Variants in DCHS1 observed in about 807,000 individuals in gnomAD.
DCHS1 encodes the protein protocadherin-16.
In DCHS1, 78 loss-of-function variants were observed where a neutral mutation model predicts 213.9. The ratio of observed to expected loss-of-function variants is 0.36; its 90% confidence interval spans 0.30 to 0.44. The LOEUF is 0.44. Among genes scored for constraint, DCHS1 ranks in the 20% least tolerant of loss-of-function variants. The pLI is 1.00. For missense variants in DCHS1, 3,946 were observed against 4,395.9 expected (o/e 0.90, Z 2.89); for synonymous variants, 1,828 against 1,873.7 (o/e 0.98, Z 0.63).
intron 2 of DCHS1, 150 bp from the exon 3 acceptor site, chr11:6,634,456 G>T: frequency 1.2e-6 from 1 of 808,636 alleles, no homozygotes; most frequent in Non-Finnish European, 1.8e-6. Flanking sequence ...CCCAACCTCA[G>T]CCTGTACCTC....
In DCHS1 at chr11:6,621,425, G is replaced by A. The variant is rs181411626; in HGVS notation, c.*354C>T. 18 of 395,058 alleles carry A rather than the reference G, an allele frequency of 4.6e-5. No homozygotes were observed. The highest frequency in any genetic ancestry group is 1.1e-4 in the Admixed American group (3 of 27,238). The allele number at this position is 395,058 out of a possible 1,614,324, so 24.5% of individuals were successfully genotyped here. On this transcript the variant is annotated 3_prime_UTR_variant, in exon 21 of 21. Coordinates refer to ENST00000299441, the MANE Select transcript of DCHS1 (RefSeq NM_003737.4). ...GGTGTCAGTGGAACCCAAAGGAGCT[G>A]GGTCCAAACATGTTGGAGGGACCTC...
Position 6,623,498 on chromosome 11 carries a change from G to A in DCHS1, c.8178C>T (p.Thr2726=), listed in dbSNP as rs377610020. The A allele has an allele frequency of 3.8e-6, 6 of 1,595,806 alleles. No individual in the cohort carries two copies. Among genetic ancestry groups the A allele is most frequent in the Non-Finnish European group, 5.1e-6 (6 of 1,171,290 alleles). The change falls in exon 21 of 21, where the codon ACC becomes ACT. Residue 2726 remains threonine (T), a synonymous_variant. Transcript: ENST00000299441. ...AENQPPGTLV[T]TLHAIDGDAG... The stretch of plus-strand genomic sequence containing the variant: ...CATCCCCGTCGATTGCATGCAGAGT[G>A]GTCACGAGAGTGCCTGGAGGCTGAT...
chr11:6,627,297 A>G lies in DCHS1; in HGVS notation c.5742T>C (p.Ala1914=). 3.1e-6 allele frequency: 5 copies of G among 1,612,470 alleles called. No homozygotes were observed. Among genetic ancestry groups the G allele is most frequent in the Non-Finnish European group, 4.2e-6 (5 of 1,179,402 alleles). ...LEPSSGELRT[A]AALDREQCPS... is the part of the protein sequence containing the mutation. ...GACACTGTTCTCTGTCCAAGGCTGC[A>G]GCTGTGCGCAGTTCTCCAGAGCTGG... Residue 1914 remains alanine, a synonymous_variant, in exon 14 of 21, where the codon GCT becomes GCC. Coordinates refer to ENST00000299441, the MANE Select transcript of DCHS1 (RefSeq NM_003737.4). The surrounding 1 kb of genome is among the most constrained non-coding windows in gnomAD (Gnocchi z 5.4).
In DCHS1 at chr11:6,627,538, G is replaced by T. The variant is rs1199451132; in HGVS notation, c.5501C>A (p.Ala1834Asp). ...TGTCAAAAGCAGCGTGGCACTGAGA[G>T]CTGGCTGGCCTCCATCCCGGGCCTC... ...RIEARDGGQPALSATLLLTVT... is the reference protein window; with the variant it reads ...RIEARDGGQPDLSATLLLTVT... Residue 1834 changes from alanine (A) to aspartate (D), a missense_variant, in exon 14 of 21, where the codon GCT (alanine) becomes GAT (aspartate). Coordinates refer to ENST00000299441, the MANE Select transcript of DCHS1 (RefSeq NM_003737.4). The surrounding 1 kb of genome is among the most constrained non-coding windows in gnomAD (Gnocchi z 5.4). 2 of 1,612,660 alleles carry T rather than the reference G, an allele frequency of 1.2e-6. No homozygotes were observed. Among genetic ancestry groups the T allele is most frequent in the East Asian group, 2.2e-5 (1 of 44,860 alleles).
At chr11:6,655,136 G>A (rs1020751514) in intron 1 of DCHS1, among the ~76,000 whole-genome samples, 4 of 152,056 alleles carry the variant, frequency 2.6e-5, no homozygotes, top group African/African-American at 7.2e-5. Flanking sequence ...CCCACAGAGC[G>A]GGCAACACAC....
At chr11:6,647,151 G>T (rs539447704) in intron 1 of DCHS1, among the ~76,000 whole-genome samples, 3 of 152,326 alleles carry the variant, frequency 2.0e-5, no homozygotes, top group African/African-American at 4.8e-5. Context: ...AGTGAGCAAA[G>T]GGGTGAGGAT....
At chr11:6,654,718 T>C (rs1040261439) in intron 1 of DCHS1, among the ~76,000 whole-genome samples, 6 of 152,266 alleles carry the variant, frequency 3.9e-5, no homozygotes, top group African/African-American at 1.4e-4. Flanking sequence ...CTGTGTCCTC[T>C]TGTGGGTTGA....
chr11:6,633,161 C>T, intron 5 of DCHS1, 105 bp from the exon 6 acceptor site: 7 of 1,379,842 alleles, frequency 5.1e-6, no homozygotes, highest in Non-Finnish European at 5.9e-6. Flanking sequence ...CACACCCATG[C>T]CTTTCAAAAT....
Position 6,655,553 on chromosome 11 carries a change from G to A in DCHS1, c.-121+10C>T, listed in dbSNP as rs1460761970. The stretch of plus-strand genomic sequence containing the variant: ...GCGGCCAGACGGGCCGGGCGGGCGC[G>A]GGCACTGACCTCCGCGCGACGCGGG... On this transcript the variant is annotated intron_variant, in intron 1 of 20. Coordinates refer to ENST00000299441, the MANE Select transcript of DCHS1 (RefSeq NM_003737.4). 15 of 981,018 alleles carry A rather than the reference G, an allele frequency of 1.5e-5. No homozygotes were observed. Among genetic ancestry groups the A allele is most frequent in the Non-Finnish European group, 1.7e-5 (14 of 828,310 alleles). 60.8% of individuals were successfully genotyped at this position (981,018 alleles called of 1,614,324 possible). A position where few individuals can be genotyped will look rare whatever the true frequency, so the allele number is the denominator to read the frequency against.
At position 6,626,491 on chromosome 11, in the gene DCHS1, T is replaced by G; in HGVS notation, c.6364+61A>C. ...CTTCACCCATCAAAGGCTCCTCTGA[T>G]GCAAAGAACCTGCTTCCCCAGTAGC... On this transcript the variant is annotated intron_variant, in intron 15 of 20. Coordinates refer to ENST00000299441, the MANE Select transcript of DCHS1 (RefSeq NM_003737.4). This position sits in a 1 kb window ranked among gnomAD's most constrained non-coding sequence, Gnocchi z 5.2. 5.6e-6 allele frequency: 9 copies of G among 1,606,688 alleles called. No homozygotes were observed. Among genetic ancestry groups the G allele is most frequent in the Non-Finnish European group, 7.7e-6 (9 of 1,174,398 alleles).
Position 6,624,873 on chromosome 11 carries a change from A to C in DCHS1, c.7147-5T>G, listed in dbSNP as rs1396927746. On this transcript the variant is annotated splice_polypyrimidine_tract_variant and splice_region_variant and intron_variant, in intron 19 of 20. Coordinates refer to ENST00000299441, the MANE Select transcript of DCHS1 (RefSeq NM_003737.4). ...TGTGTGCTCAAGCAGCATTACCTGAAGTGTGAGGAAAAGTGCTTATTGCCA... is the reference window on the plus strand; with the variant it reads ...TGTGTGCTCAAGCAGCATTACCTGACGTGTGAGGAAAAGTGCTTATTGCCA... The C allele has an allele frequency of 2.5e-6, 4 of 1,613,716 alleles. No individual in the cohort carries two copies. Among genetic ancestry groups the C allele is most frequent in the Non-Finnish European group, 3.4e-6 (4 of 1,179,802 alleles).
rs1355447665 is a variant in DCHS1 at position 6,655,766 on chromosome 11, G to C, written c.-324C>G. 2.0e-6 allele frequency: 2 copies of C among 979,414 alleles called. No homozygotes were observed. The highest frequency in any genetic ancestry group is 2.4e-6 in the Non-Finnish European group (2 of 827,806). 60.7% of individuals were successfully genotyped at this position (979,414 alleles called of 1,614,324 possible). The stretch of plus-strand genomic sequence containing the variant: ...TCGGTCCGTCCGCTGACGCCCGGGC[G>C]CCGCCTCCTGCACAGCCGCCCCGCC... On this transcript the variant is annotated 5_prime_UTR_variant, in exon 1 of 21. Coordinates refer to ENST00000299441, the MANE Select transcript of DCHS1 (RefSeq NM_003737.4).
Position 6,625,477 on chromosome 11 carries a change from C to A in DCHS1, c.6867G>T (p.Ala2289=), listed in dbSNP as rs144165467. 1.6e-5 allele frequency: 25 copies of A among 1,603,086 alleles called. No individual in the cohort carries two copies. The South Asian group carries it at 2.7e-4, about 17-fold the overall frequency. ...CCTGTGCAATCTCTGAGCCCAATAACGCATCTGGAATACATGAGACTAGTG... is the reference window on the plus strand; with the variant it reads ...CCTGTGCAATCTCTGAGCCCAATAAAGCATCTGGAATACATGAGACTAGTG... ...QPWELRVSED[A]LLGSEIAQVT... The change falls in exon 19 of 21, where the codon GCG becomes GCT. Residue 2289 remains alanine, a synonymous_variant. Coordinates refer to ENST00000299441, the MANE Select transcript of DCHS1 (RefSeq NM_003737.4). This position sits in a 1 kb window ranked among gnomAD's most constrained non-coding sequence, Gnocchi z 5.3.
chr11:6,621,872 G>A lies in DCHS1; in HGVS notation c.9804C>T (p.Val3268=), dbSNP rs141839556. Residue 3268 remains valine, a synonymous_variant, in exon 21 of 21, where the codon GTC becomes GTT. Transcript: ENST00000299441. ...LSPLAARSPV[V]SPFGVAQGPS... is the part of the protein sequence containing the mutation. The stretch of plus-strand genomic sequence containing the variant: ...GACCCTGGGCCACCCCAAATGGTGA[G>A]ACAACGGGTGAGCGAGCAGCCAGAG... 13 of 1,612,184 alleles carry A rather than the reference G, an allele frequency of 8.1e-6. No individual in the cohort carries two copies. Among genetic ancestry groups the A allele is most frequent in the African/African-American group, 8.0e-5 (6 of 75,042 alleles).
rs764462782 is a variant in DCHS1, at chr11:6,641,028, G to A, written c.586C>T (p.Arg196Cys). 14 of 1,613,874 alleles carry A rather than the reference G, an allele frequency of 8.7e-6. No individual in the cohort carries two copies. The Admixed American group carries it at 1.0e-4, about 12-fold the overall frequency. The change falls in exon 2 of 21, where the codon CGC (arginine) becomes TGC (cysteine). Residue 196 changes from arginine (R) to cysteine (C), a missense_variant. Physicochemically the swap from Arg to Cys is radical, Grantham distance 180. Coordinates refer to ENST00000299441, the MANE Select transcript of DCHS1 (RefSeq NM_003737.4). This position sits in a 1 kb window ranked among gnomAD's most constrained non-coding sequence, Gnocchi z 7.1. Reference protein sequence around the residue: ...GAGETFRLETRPGPDGTPVPE... With the variant: ...GAGETFRLETCPGPDGTPVPE... ...ACTGGAGTCCCATCTGGACCGGGGC[G>A]TGTCTCCAGCCGGAAGGTCTCTCCA... is the stretch of plus-strand genomic sequence containing the variant.
chr11:6,623,435 C>T lies in DCHS1; in HGVS notation c.8241G>A (p.Glu2747=), dbSNP rs372127346. ...AFGRLRYSLL[E]AGPGPEGREA... ...CACGGCCCTCAGGTCCTGGCCCAGC[C>T]TCCAACAGGCTGTAACGGAGCCTCC... Residue 2747 remains glutamate (E), a synonymous_variant, in exon 21 of 21, where the codon GAG becomes GAA. Coordinates refer to ENST00000299441, the MANE Select transcript of DCHS1 (RefSeq NM_003737.4). 15 of 1,584,990 alleles carry T rather than the reference C, an allele frequency of 9.5e-6. No homozygotes were observed. Among genetic ancestry groups the T allele is most frequent in the Non-Finnish European group, 1.3e-5 (15 of 1,165,754 alleles).
At position 6,626,507 on chromosome 11, in the gene DCHS1, C is replaced by T. The variant is rs111724712; in HGVS notation, c.6364+45G>A. 9,027 of 1,608,564 alleles carry T rather than the reference C, an allele frequency of 5.6e-3. 91 individuals carry two copies. The highest frequency in any genetic ancestry group is 0.029 in the South Asian group (2,594 of 90,806). Reference sequence around the variant, plus strand: ...CTCCTCTGATGCAAAGAACCTGCTTCCCCAGTAGCCTGTCCTGCACAGAGC... The same window carrying T: ...CTCCTCTGATGCAAAGAACCTGCTTTCCCAGTAGCCTGTCCTGCACAGAGC... On this transcript the variant is annotated intron_variant, in intron 15 of 20. Coordinates refer to ENST00000299441, the MANE Select transcript of DCHS1 (RefSeq NM_003737.4). This position sits in a 1 kb window ranked among gnomAD's most constrained non-coding sequence, Gnocchi z 5.2.
At chr11:6,653,220 C>T (rs1856269563) in intron 1 of DCHS1, among the ~76,000 whole-genome samples, 2 of 152,204 alleles carry the variant, frequency 1.3e-5, no homozygotes, top group African/African-American at 4.8e-5. Context: ...CCCTCACACA[C>T]ACACTATTTT....
Position 6,630,300 on chromosome 11 carries a change from C to A in DCHS1, c.4494G>T (p.Pro1498=). Residue 1498 remains proline, a synonymous_variant, in exon 10 of 21, where the codon CCG becomes CCT. Coordinates refer to ENST00000299441, the MANE Select transcript of DCHS1 (RefSeq NM_003737.4). The stretch of plus-strand genomic sequence containing the variant: ...GAGTGGTCTCTCGGTCCAGGCCGCG[C>A]GGAGCGCTGAGCGCCCCGGTGCGCG... ...LDARTGALSA[P]RGLDRETTPA... is the part of the protein sequence containing the mutation. 2 of 1,468,984 alleles carry A rather than the reference C, an allele frequency of 1.4e-6. No individual in the cohort carries two copies. 91.0% of individuals were successfully genotyped at this position (1,468,984 alleles called of 1,614,324 possible).
Sources: gnomAD v4.1 joint callset for allele counts (sites outside exome capture counted in the v4.1 genomes callset) on GRCh38, gnomAD v4.1.1 for gene constraint, Gnocchi (gnomAD v3.1) non-coding constraint, MANE v1.5 for transcripts, NCBI Gene and HGNC (gene_info 2026-07-23, HGNC 2026-07-21) for gene names.